GPC5: variants seen among roughly 807,000 people sequenced by gnomAD.
GPC5 encodes glypican-5.
A neutral mutation model predicts 53.9 loss-of-function variants in GPC5; 47 were observed. The ratio of observed to expected loss-of-function variants is 0.87; its 90% CI spans 0.69 to 1.11. The LOEUF (loss-of-function observed/expected upper bound fraction) is 1.11, where lower values mean the gene tolerates loss of function less well. Among genes scored for constraint, GPC5 ranks in the 50% most tolerant of loss-of-function variants. GPC5 has a pLI of 0.00. For synonymous variants in GPC5, 286 were observed against 263.3 expected (o/e 1.09, Z -0.84); for missense variants, 748 against 713.1 (o/e 1.05, Z -0.56).
intron 2 of GPC5, among the ~76,000 whole-genome samples, chr13:91,478,881 T>TTATATATATATATATATACACA (rs1883132656): frequency 1.5e-5 from 1 of 67,498 alleles, no homozygotes; most frequent in African/African-American, 6.6e-5. Context: ...TATATACACA[T>TTATATATATATATATATACACA]TATATATATA....
At chr13:91,480,026 C>T (rs1883215367) in intron 2 of GPC5, among the ~76,000 whole-genome samples, 1 of 152,128 alleles carries the variant, frequency 6.6e-6, no homozygotes, top group African/African-American at 2.4e-5. Context: ...GGACACTGCA[C>T]CCCTACTACA....
At chr13:91,863,261 G>A (rs2039049470) in intron 5 of GPC5, among the ~76,000 whole-genome samples, 1 of 152,044 alleles carries the variant, frequency 6.6e-6, no homozygotes. Flanking sequence ...TACTGATGAT[G>A]CTTATTTTGA....
intron 2 of GPC5, among the ~76,000 whole-genome samples, chr13:91,455,247 T>C (rs1417388390): frequency 1.3e-5 from 2 of 152,134 alleles, no homozygotes; most frequent in Non-Finnish European, 2.9e-5. Flanking sequence ...TTATAGGCTA[T>C]GCACTTGTTT....
intron 7 of GPC5, among the ~76,000 whole-genome samples, chr13:92,392,670 T>C (rs1274641032): frequency 2.0e-5 from 3 of 152,182 alleles, no homozygotes; most frequent in Non-Finnish European, 4.4e-5. Flanking sequence ...AAGGGTCTGA[T>C]AGCCAATATT....
intron 7 of GPC5, among the ~76,000 whole-genome samples, chr13:92,634,211 A>G (rs1040446748): frequency 2.0e-5 from 3 of 152,092 alleles, no homozygotes; most frequent in Non-Finnish European, 4.4e-5. Context: ...TTTAATTACA[A>G]TGTCATGCTG....
rs184744840 is a variant in GPC5, at chr13:92,368,087, C to A, written c.1561+223098C>A. Among the ~76,000 whole-genome samples, 303 of 152,136 alleles carry A rather than the reference C, an allele frequency of 2.0e-3. 2 individuals carry two copies. Among genetic ancestry groups the A allele is most frequent in the African/African-American group, 6.1e-3 (255 of 41,538 alleles). On this transcript the variant is annotated intron_variant, in intron 7 of 7. Transcript: ENST00000377067. Reference sequence around the variant, plus strand: ...GCAACCTCTGCCTCCCGGATTGAAGCGATTCTTCTGCCTCAGCCTCCTGAG... The same window carrying A: ...GCAACCTCTGCCTCCCGGATTGAAGAGATTCTTCTGCCTCAGCCTCCTGAG...
At chr13:91,664,190 T>TA (rs2035051110) in intron 2 of GPC5, among the ~76,000 whole-genome samples, 3 of 152,252 alleles carry the variant, frequency 2.0e-5, no homozygotes, top group African/African-American at 7.2e-5. Flanking sequence ...TATGACTTTT[T>TA]ATAACATATG....
chr13:92,788,211 T>C (rs1005904206), intron 7 of GPC5, among the ~76,000 whole-genome samples: 2 of 151,926 alleles, frequency 1.3e-5, no homozygotes, highest in East Asian at 3.9e-4. Flanking sequence ...TTACAAGAAA[T>C]AGGAACATGT....
chr13:92,531,275 A>G (rs1027886184), intron 7 of GPC5, among the ~76,000 whole-genome samples: 1 of 152,154 alleles, frequency 6.6e-6, no homozygotes, highest in Non-Finnish European at 1.5e-5. Flanking sequence ...TATTGTCACA[A>G]CAGAGATTTT....
intron 3 of GPC5, among the ~76,000 whole-genome samples, chr13:91,706,484 C>T (rs2036108582): frequency 6.6e-6 from 1 of 152,062 alleles, no homozygotes; most frequent in South Asian, 2.1e-4. Flanking sequence ...TTTATTCCCT[C>T]ATTAAGAAAT....
chr13:92,488,490 G>A (rs1252099144), intron 7 of GPC5, among the ~76,000 whole-genome samples: 4 of 152,138 alleles, frequency 2.6e-5, no homozygotes, highest in South Asian at 2.1e-4. Flanking sequence ...TCCCTCCGTT[G>A]CCATACGTGC....
chr13:91,683,547 TC>T (rs1175401023), intron 2 of GPC5, among the ~76,000 whole-genome samples: 1 of 152,218 alleles, frequency 6.6e-6, no homozygotes. Flanking sequence ...TCACTGCCTG[TC>T]CGGCTTCCAT....
intron 2 of GPC5, among the ~76,000 whole-genome samples, chr13:91,611,281 A>G (rs747735079): frequency 2.6e-4 from 40 of 152,340 alleles, no homozygotes; most frequent in Admixed American, 1.5e-3. Flanking sequence ...TGAATTTCTT[A>G]TAACAACTCT....
At chr13:91,422,818 A>T (rs1878739031) in intron 1 of GPC5, among the ~76,000 whole-genome samples, 1 of 151,838 alleles carries the variant, frequency 6.6e-6, no homozygotes, top group African/African-American at 2.4e-5. Flanking sequence ...TAACAGACCT[A>T]CTCTCATGAT....
At chr13:91,512,933 T>G (rs1054676172) in intron 2 of GPC5, among the ~76,000 whole-genome samples, 6 of 152,028 alleles carry the variant, frequency 3.9e-5, no homozygotes, top group African/African-American at 9.7e-5. Context: ...AAAGTTTTTC[T>G]TGATAACTTT....
chr13:91,571,921 T>TGTG (rs1426983247), intron 2 of GPC5, among the ~76,000 whole-genome samples: 5 of 108,738 alleles, frequency 4.6e-5, no homozygotes, highest in South Asian at 4.5e-4. Flanking sequence ...TATACACATA[T>TGTG]TGTATATATA....
intron 6 of GPC5, among the ~76,000 whole-genome samples, chr13:92,040,755 C>T (rs1400447885): frequency 6.6e-6 from 1 of 152,122 alleles, no homozygotes; most frequent in Non-Finnish European, 1.5e-5. Context: ...ATAGCTCAAA[C>T]CTATTTCTGT....
At chr13:91,877,385 G>A (rs1184736368) in intron 5 of GPC5, among the ~76,000 whole-genome samples, 1 of 152,192 alleles carries the variant, frequency 6.6e-6, no homozygotes, top group Non-Finnish European at 1.5e-5. Flanking sequence ...AAAGCCACAG[G>A]GGCAGAGCTG....
At chr13:91,741,881 G>A (rs971522468) in intron 4 of GPC5, among the ~76,000 whole-genome samples, 5 of 152,230 alleles carry the variant, frequency 3.3e-5, no homozygotes, top group Non-Finnish European at 5.9e-5. Context: ...ATTTATAGTA[G>A]CAGAGAAAGC....
Sources: gnomAD v4.1 joint callset for allele counts (sites outside exome capture counted in the v4.1 genomes callset) on GRCh38, gnomAD v4.1.1 for gene constraint, MANE v1.5 for transcripts, NCBI Gene and HGNC (gene_info 2026-07-23, HGNC 2026-07-21) for gene names.